The following CACNA2D3 variants were observed in gnomAD, a reference collection of about 807,000 sequenced individuals.
CACNA2D3 encodes the protein voltage-dependent calcium channel subunit alpha-2/delta-3.
A neutral mutation model predicts 160.6 loss-of-function variants in CACNA2D3; 60 were observed. The ratio of observed to expected loss-of-function variants is 0.37; its 90% confidence interval spans 0.30 to 0.46. The LOEUF (loss-of-function observed/expected upper bound fraction) is 0.46, where lower values mean the gene tolerates loss of function less well. Ranked by LOEUF, CACNA2D3 falls within the 20% of genes least tolerant of loss-of-function variation. The pLI, the probability that CACNA2D3 is intolerant of heterozygous loss-of-function variation, is 1.00. For synonymous variants in CACNA2D3, 558 were observed against 492.9 expected, an observed-to-expected ratio of 1.13 and a Z score of -1.75; for missense variants, 1,205 against 1,365.0, an observed-to-expected ratio of 0.88 and a Z score of 1.85.
intron 27 of CACNA2D3, chr3:54,918,772 G>A (rs201588903): frequency 1.7e-5 from 27 of 1,614,000 alleles, no homozygotes; most frequent in Middle Eastern, 1.6e-4. Context: ...CTGAGCCTGC[G>A]AGGACACTGG....
At chr3:54,933,647 A>G (rs1701260920) in intron 27 of CACNA2D3, among the ~76,000 whole-genome samples, 2 of 152,232 alleles carry the variant, frequency 1.3e-5, no homozygotes, top group Non-Finnish European at 1.5e-5. Flanking sequence ...TAAAGTGACA[A>G]CAACTCACTA....
rs545489350 is a variant in CACNA2D3, at chr3:54,643,691, A to G, written c.1167+1450A>G. ...GTAGAGGCCAGAATTAGTTCATAATAAACATACATGATGTGAAAGGAGGAG... is the reference window on the plus strand; with the variant it reads ...GTAGAGGCCAGAATTAGTTCATAATGAACATACATGATGTGAAAGGAGGAG... On this transcript the variant is annotated intron_variant, in intron 11 of 37. Coordinates refer to ENST00000474759, the MANE Select transcript of CACNA2D3 (RefSeq NM_018398.3). 6.6e-5 allele frequency among the ~76,000 whole-genome samples: 10 copies of G among 152,342 alleles called. No homozygotes were observed. The South Asian group carries it at 1.9e-3, about 28-fold the overall frequency.
intron 2 of CACNA2D3, among the ~76,000 whole-genome samples, chr3:54,295,863 C>G (rs971041795): frequency 4.6e-5 from 7 of 152,162 alleles, no homozygotes; most frequent in African/African-American, 1.7e-4. Flanking sequence ...GCAGGTTTGC[C>G]CAATGCAGCT....
intron 3 of CACNA2D3, among the ~76,000 whole-genome samples, chr3:54,381,908 T>C (rs1003172083): frequency 6.6e-6 from 1 of 152,226 alleles, no homozygotes; most frequent in Non-Finnish European, 1.5e-5. Context: ...AACTCATGAA[T>C]TACAACCTTT....
At chr3:54,275,229 C>T (rs1702709377) in intron 2 of CACNA2D3, among the ~76,000 whole-genome samples, 1 of 152,206 alleles carries the variant, frequency 6.6e-6, no homozygotes, top group African/African-American at 2.4e-5. Flanking sequence ...TCTTGGCAGC[C>T]TCTGCCCCGG....
At chr3:54,243,998 C>A (rs895370656) in intron 2 of CACNA2D3, among the ~76,000 whole-genome samples, 3 of 152,160 alleles carry the variant, frequency 2.0e-5, no homozygotes, top group African/African-American at 7.2e-5. Context: ...TCCTGCTCCC[C>A]CCGTCCTGTG....
At chr3:54,201,274 A>G (rs1241725744) in intron 2 of CACNA2D3, among the ~76,000 whole-genome samples, 11 of 152,270 alleles carry the variant, frequency 7.2e-5, no homozygotes, top group Admixed American at 7.2e-4. Context: ...TACACATTAT[A>G]GTTAGCATTA....
intron 10 of CACNA2D3, among the ~76,000 whole-genome samples, chr3:54,640,171 T>C (rs1699484442): frequency 6.6e-6 from 1 of 152,220 alleles, no homozygotes; most frequent in Non-Finnish European, 1.5e-5. Context: ...TCATAGGGGA[T>C]GCGATGGCTT....
intron 3 of CACNA2D3, among the ~76,000 whole-genome samples, chr3:54,328,166 T>C (rs1221140179): frequency 6.6e-6 from 1 of 152,250 alleles, no homozygotes; most frequent in Non-Finnish European, 1.5e-5. Flanking sequence ...CCTGCCTATG[T>C]TCCCACCTGT....
chr3:54,667,591 G>T (rs1378020586), intron 11 of CACNA2D3, among the ~76,000 whole-genome samples: 1 of 152,172 alleles, frequency 6.6e-6, no homozygotes, highest in Non-Finnish European at 1.5e-5. Flanking sequence ...CTGAGTTAAA[G>T]AAAAGACACA....
chr3:54,530,242 G>A (rs557141842), intron 5 of CACNA2D3, among the ~76,000 whole-genome samples: 53 of 152,236 alleles, frequency 3.5e-4, no homozygotes, highest in African/African-American at 9.6e-4. Context: ...GCACTGTACC[G>A]TATGTGGTCA....
Position 54,871,528 on chromosome 3 carries a change from C to T in CACNA2D3, c.1627-11C>T. On this transcript the variant is annotated splice_polypyrimidine_tract_variant and intron_variant, in intron 17 of 37. Transcript: ENST00000474759. ...TTGTTTTTCTTTTCTTTTTCTTCTT[C>T]CCCTTGCTAGTACGAAGAAGGAAAA... 1.2e-6 allele frequency: 2 copies of T among 1,602,100 alleles called. No homozygotes were observed. Among genetic ancestry groups the T allele is most frequent in the Non-Finnish European group, 1.7e-6 (2 of 1,169,628 alleles).
intron 4 of CACNA2D3, among the ~76,000 whole-genome samples, chr3:54,453,200 C>G (rs2106822208): frequency 6.6e-6 from 1 of 152,222 alleles, no homozygotes; most frequent in East Asian, 1.9e-4. Context: ...TCTGTGTTGT[C>G]CATGCTAGCC....
At chr3:54,524,175 C>T (rs954110232) in intron 5 of CACNA2D3, among the ~76,000 whole-genome samples, 11 of 152,074 alleles carry the variant, frequency 7.2e-5, no homozygotes, top group Non-Finnish European at 1.3e-4. Flanking sequence ...TGTAACTGCA[C>T]TACATAAGTT....
intron 28 of CACNA2D3, 67 bp downstream of exon 28, chr3:54,968,578 A>T: frequency 8.4e-7 from 1 of 1,187,368 alleles, no homozygotes; most frequent in Non-Finnish European, 1.2e-6. Flanking sequence ...CCATTTGGGT[A>T]CCTGGAGCCT....
At position 54,752,532 on chromosome 3, in the gene CACNA2D3, T is replaced by C. The variant is rs1057386076; in HGVS notation, c.1168-67T>C. ...AGGTAAGCCACATGTGTGTGAGCCATGCATGTGATCTGTGCAGGATGGCGA... is the reference window on the plus strand; with the variant it reads ...AGGTAAGCCACATGTGTGTGAGCCACGCATGTGATCTGTGCAGGATGGCGA... On this transcript the variant is annotated intron_variant, in intron 11 of 37. Transcript: ENST00000474759. 3.9e-6 allele frequency: 4 copies of C among 1,023,564 alleles called. No homozygotes were observed. The South Asian group carries it at 4.0e-5, about 10-fold the overall frequency. 63.4% of individuals were successfully genotyped at this position (1,023,564 alleles called of 1,614,324 possible).
chr3:54,918,353 T>A, intron 27 of CACNA2D3: 3 of 364,066 alleles, frequency 8.2e-6, no homozygotes, highest in East Asian at 5.6e-5. Flanking sequence ...TTTTTTTTTT[T>A]TTGTCTTTTG....
At chr3:54,765,115 T>C (rs952832716) in intron 13 of CACNA2D3, among the ~76,000 whole-genome samples, 18 of 152,128 alleles carry the variant, frequency 1.2e-4, no homozygotes, top group African/African-American at 4.3e-4. Flanking sequence ...CATTAATCAC[T>C]GTAACCCAGA....
chr3:54,542,107 G>A (rs1701990542), intron 5 of CACNA2D3, among the ~76,000 whole-genome samples: 1 of 151,936 alleles, frequency 6.6e-6, no homozygotes, highest in Admixed American at 6.6e-5. Flanking sequence ...CTGTCTCCAG[G>A]CTGGAGTGCA....
Sources: gnomAD v4.1 joint callset for allele counts (sites outside exome capture counted in the v4.1 genomes callset) on GRCh38, gnomAD v4.1.1 for gene constraint, MANE v1.5 for transcripts, NCBI Gene and HGNC (gene_info 2026-07-23, HGNC 2026-07-21) for gene names.